Variants in STK17B observed in about 807,000 individuals in gnomAD.
STK17B encodes the protein serine/threonine-protein kinase 17B.
STK17B carries 21 observed loss-of-function variants against 42.0 expected under a neutral mutation model. That is an observed-to-expected ratio of 0.50 (90% CI 0.35 to 0.72). STK17B has a LOEUF of 0.72. Ranked by LOEUF, STK17B falls within the 30% of genes least tolerant of loss-of-function variation. The probability of loss-of-function intolerance (pLI) is 0.00; values close to 1 mark genes in which losing one functional copy is unlikely to be tolerated. For missense variants in STK17B, 349 were observed against 446.0 expected (o/e 0.78, Z 1.96); for synonymous variants, 143 against 148.4 (o/e 0.96, Z 0.26).
chr2:196,173,819 C>T (rs1699974648), upstream of STK17B, among the ~76,000 whole-genome samples: 2 of 152,118 alleles, frequency 1.3e-5, no homozygotes, highest in Non-Finnish European at 2.9e-5. Flanking sequence ...CAGTTGTGTT[C>T]TTTTCCAGTT....
At chr2:196,165,185 A>G (rs1422268200) in intron 1 of STK17B, among the ~76,000 whole-genome samples, 2 of 152,190 alleles carry the variant, frequency 1.3e-5, no homozygotes, top group African/African-American at 4.8e-5. Context: ...AAAGTGGGCC[A>G]ATTAGGACAC....
At chr2:196,148,753 T>G (rs1699618291) in intron 3 of STK17B, among the ~76,000 whole-genome samples, 1 of 152,220 alleles carries the variant, frequency 6.6e-6, no homozygotes, top group Non-Finnish European at 1.5e-5. Flanking sequence ...ACCAACATTT[T>G]ATATTACAAA....
At chr2:196,144,066 G>A (rs1240003907) in intron 4 of STK17B, among the ~76,000 whole-genome samples, 2 of 151,670 alleles carry the variant, frequency 1.3e-5, no homozygotes, top group Non-Finnish European at 2.9e-5. Flanking sequence ...AGCTGGGTAC[G>A]GTGGTGTCAA....
At chr2:196,144,104 G>C (rs959352201) in intron 4 of STK17B, among the ~76,000 whole-genome samples, 2 of 151,810 alleles carry the variant, frequency 1.3e-5, no homozygotes, top group African/African-American at 4.8e-5. Context: ...TCTGGAGGCA[G>C]GGGTGGGAGG....
upstream of STK17B, among the ~76,000 whole-genome samples, chr2:196,173,663 T>C (rs934027697): frequency 1.3e-5 from 2 of 152,186 alleles, no homozygotes; most frequent in Admixed American, 6.5e-5. Context: ...GTCAAAGATA[T>C]ATGTTCCTGC....
chr2:196,152,167 T>C (rs1699674123), intron 3 of STK17B, among the ~76,000 whole-genome samples: 1 of 150,802 alleles, frequency 6.6e-6, no homozygotes, highest in African/African-American at 2.4e-5. Flanking sequence ...CGCGTAGTGG[T>C]GCGATCTCAG....
At chr2:196,143,017 C>T (rs1003018030) in intron 5 of STK17B, among the ~76,000 whole-genome samples, 4 of 152,174 alleles carry the variant, frequency 2.6e-5, no homozygotes, top group Non-Finnish European at 4.4e-5. Flanking sequence ...TTCTTTTTGG[C>T]ACTCTTCTTC....
In STK17B at chr2:196,134,690, T is replaced by A. The variant is rs1699371468; in HGVS notation, c.*2757A>T. ...AAATGACAATTGCAATTGTCATCTA[T>A]ATATCATCTATTTAAAAATCCCATC... is the stretch of plus-strand genomic sequence containing the variant. On this transcript the variant is annotated 3_prime_UTR_variant, in exon 8 of 8. Coordinates refer to ENST00000263955, the MANE Select transcript of STK17B (RefSeq NM_004226.4). 1 of 152,192 alleles carries A rather than the reference T, an allele frequency of 6.6e-6. No individual in the cohort carries two copies. Among genetic ancestry groups the A allele is most frequent in the Non-Finnish European group, 1.5e-5 (1 of 68,030 alleles). 9.4% of individuals were successfully genotyped at this position (152,192 alleles called of 1,614,324 possible).
At chr2:196,162,617 G>T (rs922341047) in intron 2 of STK17B, among the ~76,000 whole-genome samples, 1 of 151,978 alleles carries the variant, frequency 6.6e-6, no homozygotes, top group Non-Finnish European at 1.5e-5. Context: ...GGTACAGTAG[G>T]CAGGGCGCAG....
chr2:196,172,506 C>T (rs1308920724), upstream of STK17B, among the ~76,000 whole-genome samples: 1 of 152,186 alleles, frequency 6.6e-6, no homozygotes, highest in Non-Finnish European at 1.5e-5. Flanking sequence ...GGAGTGGAGT[C>T]GTCCTCTTGC....
At chr2:196,161,215 C>T (rs537710690) in intron 2 of STK17B, among the ~76,000 whole-genome samples, 58 of 151,232 alleles carry the variant, frequency 3.8e-4, no homozygotes, top group African/African-American at 1.3e-3. Context: ...AGTAAGACCA[C>T]GGACCACTGA....
intron 1 of STK17B, among the ~76,000 whole-genome samples, chr2:196,164,942 T>C (rs1699858735): frequency 6.6e-6 from 1 of 152,210 alleles, no homozygotes; most frequent in African/African-American, 2.4e-5. Flanking sequence ...GGTTGTAGTG[T>C]AGCATTCTGA....
At chr2:196,153,408 A>G (rs1699694586) in intron 3 of STK17B, 1 of 152,214 alleles carries the variant, frequency 6.6e-6, no homozygotes, top group Non-Finnish European at 1.5e-5. Context: ...GGAGATGCAT[A>G]TATAGAATGT....
At chr2:196,166,779 A>G (rs1699878960) in intron 1 of STK17B, among the ~76,000 whole-genome samples, 1 of 152,222 alleles carries the variant, frequency 6.6e-6, no homozygotes, top group Non-Finnish European at 1.5e-5. Context: ...ATGTGAACAA[A>G]AGCAAGACTA....
At chr2:196,171,788 T>TGGCGGCGC (rs1339340356), upstream of STK17B, among the ~76,000 whole-genome samples, 2 of 80,178 alleles carry the variant, frequency 2.5e-5, no homozygotes, top group African/African-American at 1.0e-4. Context: ...CGCGGCGGCG[T>TGGCGGCGC]GGCGGCGCAG....
At chr2:196,151,820 T>G (rs1392409564) in intron 3 of STK17B, among the ~76,000 whole-genome samples, 1 of 152,182 alleles carries the variant, frequency 6.6e-6, no homozygotes, top group African/African-American at 2.4e-5. Context: ...TTATATTACT[T>G]TCTGAAGAAA....
Position 196,171,319 on chromosome 2 carries a change from C to T in STK17B, c.-45+14G>A, listed in dbSNP as rs888400383. The T allele has an allele frequency of 1.5e-4, 23 of 152,904 alleles. No individual in the cohort carries two copies. The highest frequency in any genetic ancestry group is 5.3e-4 in the African/African-American group (22 of 41,570). 9.5% of individuals were successfully genotyped at this position (152,904 alleles called of 1,614,324 possible). Reference sequence around the variant, plus strand: ...CAGCCCCGAGCCAACCCGCCAATCCCGCAGGACACTAACCGCTCCGGCCGC... The same window carrying T: ...CAGCCCCGAGCCAACCCGCCAATCCTGCAGGACACTAACCGCTCCGGCCGC... On this transcript the variant is annotated intron_variant, in intron 1 of 7. Coordinates refer to ENST00000263955, the MANE Select transcript of STK17B (RefSeq NM_004226.4).
At chr2:196,138,950 T>C (rs181756005) in intron 7 of STK17B, among the ~76,000 whole-genome samples, 74 of 152,192 alleles carry the variant, frequency 4.9e-4, no homozygotes, top group Non-Finnish European at 5.1e-4. Context: ...ATACTTGTTA[T>C]GTATGTAAAA....
At chr2:196,154,151 T>C (rs1699706349) in intron 3 of STK17B, 1 of 152,132 alleles carries the variant, frequency 6.6e-6, no homozygotes, top group Admixed American at 6.6e-5. Context: ...GGGCAATCGC[T>C]TGAACCCAGG....
Sources: allele counts gnomAD v4.1 joint callset (sites outside exome capture counted in the v4.1 genomes callset), GRCh38; gene constraint gnomAD v4.1.1; transcripts MANE v1.5; gene names NCBI Gene and HGNC (gene_info 2026-07-23, HGNC 2026-07-21).